Variants in PHF24 observed in about 807,000 individuals in gnomAD.
The protein encoded by PHF24 is PHD finger protein 24.
Under a neutral mutation model 42.6 loss-of-function variants are expected in PHF24, and 25 were observed. That is an observed-to-expected ratio of 0.59 (90% CI 0.43 to 0.82). PHF24 has a LOEUF of 0.82. Ranked by LOEUF, PHF24 falls within the 40% of genes least tolerant of loss-of-function variation. PHF24 has a pLI of 0.00. For synonymous variants in PHF24, 185 were observed against 204.8 expected (o/e 0.90, Z 0.83); for missense variants, 470 against 538.1 (o/e 0.87, Z 1.25).
At chr9:34,911,467 C>T in the PHF24 span, among the ~76,000 whole-genome samples, 4 of 151,848 alleles carry the variant, frequency 2.6e-5, no homozygotes, top group Non-Finnish European at 4.4e-5. Context: ...CTTGGCCGGC[C>T]GGTCTTGAAC....
the PHF24 span, among the ~76,000 whole-genome samples, chr9:34,780,415 G>A: frequency 1.4e-5 from 2 of 144,396 alleles, no homozygotes; most frequent in Non-Finnish European, 3.0e-5. Context: ...TCCCGCCTCA[G>A]CCTCCCGAGT....
At chr9:34,723,234 A>G in the PHF24 span, 2 of 1,551,126 alleles carry the variant, frequency 1.3e-6, no homozygotes, top group Non-Finnish European at 1.7e-6. Context: ...GTCAGGAGCT[A>G]GGTTGGGTGC....
At chr9:34,872,058 C>A in the PHF24 span, among the ~76,000 whole-genome samples, 2 of 152,072 alleles carry the variant, frequency 1.3e-5, no homozygotes, top group Non-Finnish European at 2.9e-5. Flanking sequence ...TATCTTTCAT[C>A]AGGGTTTTGC....
At chr9:34,762,181 G>C in the PHF24 span, among the ~76,000 whole-genome samples, 1 of 152,168 alleles carries the variant, frequency 6.6e-6, no homozygotes, top group African/African-American at 2.4e-5. Context: ...CTTTATAGCA[G>C]CATGATTTAT....
chr9:34,705,600 G>C, the PHF24 span, among the ~76,000 whole-genome samples: 5,459 of 152,210 alleles, frequency 0.036, 332 homozygotes, highest in African/African-American at 0.12. Context: ...GCCTTTACAC[G>C]CATACATGCA....
At chr9:34,837,758 A>G in the PHF24 span, 1 of 1,075,814 alleles carries the variant, frequency 9.3e-7, no homozygotes, top group African/African-American at 1.6e-5. Context: ...TCTCATGTCC[A>G]AAATGAGACT....
chr9:34,975,410 C>G lies in PHF24; in HGVS notation c.565-742C>G, dbSNP rs142050707. ...TGGAAGAAAAAGAATGGTTTGAGTT[C>G]TTTATGAAATCCACGTATGAATACT... On this transcript the variant is annotated intron_variant, in intron 3 of 7. Transcript: ENST00000242315. 3.1e-4 allele frequency among the ~76,000 whole-genome samples: 47 copies of G among 152,264 alleles called. 1 individual carries two copies. In the East Asian group the frequency reaches 8.5e-3, roughly 28 times the overall value.
At chr9:34,930,936 T>C in the PHF24 span, among the ~76,000 whole-genome samples, 1 of 152,080 alleles carries the variant, frequency 6.6e-6, no homozygotes, top group Non-Finnish European at 1.5e-5. Context: ...TAATCCCCAA[T>C]GTTGGAAGTG....
chr9:34,886,770 G>GTCTGTCTA, the PHF24 span, among the ~76,000 whole-genome samples: 1 of 150,554 alleles, frequency 6.6e-6, no homozygotes, highest in Non-Finnish European at 1.5e-5. Context: ...CTGTCTGTCT[G>GTCTGTCTA]TCTGTCTGTC....
the PHF24 span, among the ~76,000 whole-genome samples, chr9:34,927,603 G>A: frequency 9.5e-4 from 145 of 152,294 alleles, no homozygotes; most frequent in African/African-American, 3.2e-3. Context: ...GGCTGGTGGA[G>A]ATCTTGTGCT....
exon 2 of PHF24, chr9:34,971,360 T>C (rs752481211): frequency 6.2e-7 from 1 of 1,614,030 alleles, no homozygotes; most frequent in African/African-American, 1.3e-5. Context: ...AGTCTGGCTG[T>C]GTCTGCTTTC....
chr9:34,885,701 T>A, the PHF24 span, among the ~76,000 whole-genome samples: 1 of 152,024 alleles, frequency 6.6e-6, no homozygotes, highest in African/African-American at 2.4e-5. Context: ...TGTTTCTCCA[T>A]CTCCAGCCCC....
At chr9:34,784,201 A>G in the PHF24 span, among the ~76,000 whole-genome samples, 8 of 152,174 alleles carry the variant, frequency 5.3e-5, no homozygotes, top group African/African-American at 1.9e-4. Flanking sequence ...CGTCTTGCCT[A>G]GTAATTAAGT....
the PHF24 span, among the ~76,000 whole-genome samples, chr9:34,944,229 A>G: frequency 2.0e-4 from 31 of 152,216 alleles, no homozygotes; most frequent in Admixed American, 1.8e-3. Flanking sequence ...GTAGGCTGAT[A>G]AAAAGAAAAA....
the PHF24 span, among the ~76,000 whole-genome samples, chr9:34,707,389 C>T: frequency 6.6e-6 from 1 of 152,304 alleles, no homozygotes; most frequent in African/African-American, 2.4e-5. Flanking sequence ...TAACCCTTGG[C>T]AGGTGGGATC....
the PHF24 span, among the ~76,000 whole-genome samples, chr9:34,715,642 G>A: frequency 1.3e-5 from 2 of 152,322 alleles, no homozygotes; most frequent in South Asian, 2.1e-4. Context: ...GATGGCCTAG[G>A]TGCAGAGGAG....
chr9:34,784,024 C>G, the PHF24 span, among the ~76,000 whole-genome samples: 46,119 of 152,046 alleles, frequency 0.3, 7,707 homozygotes, highest in East Asian at 0.56. Flanking sequence ...CTCCAAGAAG[C>G]CAGCAGCTAG....
chr9:34,886,736 A>ATATCTATCTATCTATCTATC, the PHF24 span, among the ~76,000 whole-genome samples: 53 of 148,144 alleles, frequency 3.6e-4, no homozygotes, highest in African/African-American at 1.2e-3. Flanking sequence ...TCATGGTTTT[A>ATATCTATCTATCTATCTATC]TATCTATCTA....
the PHF24 span, among the ~76,000 whole-genome samples, chr9:34,873,173 T>C: frequency 6.6e-6 from 1 of 151,574 alleles, no homozygotes; most frequent in South Asian, 2.1e-4. Context: ...ACTCTGATGG[T>C]AGTTTCTTTT....
Sources: allele counts gnomAD v4.1 joint callset (sites outside exome capture counted in the v4.1 genomes callset), GRCh38; gene constraint gnomAD v4.1.1; transcripts MANE v1.5; gene names NCBI Gene and HGNC (gene_info 2026-07-23, HGNC 2026-07-21).